Variants in CFAP47 observed in about 807,000 individuals in gnomAD.
CFAP47 encodes cilia- and flagella-associated protein 47.
CFAP47 carries 29 observed loss-of-function variants against 148.1 expected under a neutral mutation model. The ratio of observed to expected loss-of-function variants is 0.20; its 90% CI spans 0.15 to 0.27. The LOEUF is 0.27. Ranked by LOEUF, CFAP47 falls within the 10% of genes least tolerant of loss-of-function variation. The pLI, the probability that CFAP47 is intolerant of heterozygous loss-of-function variation, is 1.00. For synonymous variants in CFAP47, 664 were observed against 577.3 expected, an observed-to-expected ratio of 1.15 and a Z score of -2.15; for missense variants, 1,872 against 1,697.5, an observed-to-expected ratio of 1.10 and a Z score of -1.81.
At chrX:36,071,680 C>A (rs968841855) in intron 27 of CFAP47, 145 bp from the exon 28 acceptor site, 1 of 400,707 alleles carries the variant, frequency 2.5e-6, no homozygotes, top group Non-Finnish European at 3.9e-6. Context: ...GGTGTTTAGA[C>A]TTTTTTTTTA....
At position 36,261,320 on chromosome X, in the gene CFAP47, C is replaced by CTTTTTTT. The variant is rs143068749; in HGVS notation, c.7444+9894_7444+9900dup. On this transcript the variant is annotated intron_variant, in intron 49 of 63. Coordinates refer to ENST00000378653, the MANE Select transcript of CFAP47 (RefSeq NM_001304548.2). ...GCCACCCTATCAGTTAGATACTATT[C>CTTTTTTT]TTTTTTTTTTTTTTTTTTTTTTTTC... Among the ~76,000 whole-genome samples the CTTTTTTT allele has an allele frequency of 6.1e-3, 125 of 20,407 alleles. 3 individuals carry two copies. The highest frequency in any genetic ancestry group is 7.9e-3 in the Non-Finnish European group (95 of 11,996). The allele number at this position is 20,407 out of a possible 115,157, so 17.7% of individuals were successfully genotyped here.
intron 29 of CFAP47, among the ~76,000 whole-genome samples, chrX:36,078,976 C>A (rs1338155424): frequency 9.0e-6 from 1 of 111,575 alleles, no homozygotes; most frequent in Admixed American, 9.5e-5. Flanking sequence ...GTTGAAAATT[C>A]TTTTCTTTAA....
At chrX:36,157,361 G>A (rs775070775) in intron 37 of CFAP47, among the ~76,000 whole-genome samples, 1 of 112,107 alleles carries the variant, frequency 8.9e-6, no homozygotes, top group South Asian at 3.7e-4. Context: ...CTTGCTCTTG[G>A]CTATATTTTG....
At chrX:36,220,000 A>G (rs1232883338) in intron 45 of CFAP47, among the ~76,000 whole-genome samples, 1 of 111,390 alleles carries the variant, frequency 9.0e-6, no homozygotes, top group Admixed American at 9.6e-5. Context: ...GGTTCACATT[A>G]TTGATTATAG....
At chrX:36,107,946 AG>A (rs1938492438) in intron 33 of CFAP47, among the ~76,000 whole-genome samples, 1 of 110,985 alleles carries the variant, frequency 9.0e-6, no homozygotes. Flanking sequence ...TTGACCATTC[AG>A]GGAATAAACA....
At chrX:36,215,874 C>CA (rs1197509648) in intron 45 of CFAP47, among the ~76,000 whole-genome samples, 1 of 111,704 alleles carries the variant, frequency 9.0e-6, no homozygotes, top group Non-Finnish European at 1.9e-5. Flanking sequence ...AGATGGCCCT[C>CA]TCCGGGGGAG....
intron 49 of CFAP47, among the ~76,000 whole-genome samples, chrX:36,273,781 A>G (rs915436623): frequency 1.8e-5 from 2 of 111,738 alleles, no homozygotes; most frequent in Non-Finnish European, 3.8e-5. Flanking sequence ...GTTGCTAAGT[A>G]TAATATTATT....
At chrX:36,075,245 A>G (rs1344622235) in intron 29 of CFAP47, among the ~76,000 whole-genome samples, 3 of 107,671 alleles carry the variant, frequency 2.8e-5, no homozygotes, top group Non-Finnish European at 5.8e-5. Flanking sequence ...TTATTTATTT[A>G]GAGATGGAGT....
At chrX:36,066,242 C>T (rs952953375) in intron 27 of CFAP47, among the ~76,000 whole-genome samples, 2 of 110,441 alleles carry the variant, frequency 1.8e-5, no homozygotes, top group African/African-American at 6.6e-5. Context: ...CAGGGGAGTA[C>T]ATTAGAGAAA....
chrX:35,962,717 G>A (rs1188939409), intron 8 of CFAP47, among the ~76,000 whole-genome samples: 1 of 110,334 alleles, frequency 9.1e-6, no homozygotes, highest in Non-Finnish European at 1.9e-5. Flanking sequence ...ACCTCTTGTG[G>A]GAAATATGTA....
Position 36,367,047 on chromosome X carries a change from T to A in CFAP47, c.9105T>A (p.Asp3035Glu). The A allele has an allele frequency of 3.5e-6, 4 of 1,157,898 alleles. No individual in the cohort carries two copies. In the Admixed American group the frequency reaches 1.0e-4, roughly 30 times the overall value. ...TAATGTTGATCGCTACTGAACCTGA[T>A]ACGGATGCTGTCATTGACATTGAAG... ...FPIMLIATEP[D>E]TDAVIDIEGV... The change falls in exon 62 of 64, where the codon GAT (aspartate) becomes GAA (glutamate). Residue 3035 changes from aspartate to glutamate, a missense_variant. Coordinates refer to ENST00000378653, the MANE Select transcript of CFAP47 (RefSeq NM_001304548.2).
intron 27 of CFAP47, among the ~76,000 whole-genome samples, chrX:36,069,118 A>G (rs1330449604): frequency 9.0e-6 from 1 of 110,794 alleles, no homozygotes; most frequent in Non-Finnish European, 1.9e-5. Flanking sequence ...TTCTAACCAC[A>G]CTTTTATGCC....
intron 57 of CFAP47, among the ~76,000 whole-genome samples, chrX:36,340,450 C>G (rs1249962483): frequency 1.8e-5 from 2 of 111,764 alleles, no homozygotes; most frequent in Admixed American, 1.9e-4. Flanking sequence ...GTTCTAGAGG[C>G]TACGAGTCCA....
intron 62 of CFAP47, among the ~76,000 whole-genome samples, chrX:36,371,599 G>C (rs1443266025): frequency 1.1e-5 from 1 of 91,009 alleles, no homozygotes; most frequent in Non-Finnish European, 2.2e-5. Flanking sequence ...ATACATGTGT[G>C]TATATATGTG....
rs182579259 is a variant in CFAP47, at chrX:36,347,536, T to C, written c.8444-593T>C. ...CAAAGTCTTGGAACCAACCCAAATG[T>C]CCATCAATGATAGACTAGATTAACA... On this transcript the variant is annotated intron_variant, in intron 57 of 63. Coordinates refer to ENST00000378653, the MANE Select transcript of CFAP47 (RefSeq NM_001304548.2). 2.2e-3 allele frequency among the ~76,000 whole-genome samples: 246 copies of C among 111,976 alleles called. 3 individuals are homozygous for C. The highest frequency in any genetic ancestry group is 7.5e-3 in the African/African-American group (230 of 30,853).
chrX:35,987,594 A>G (rs1936734357), intron 15 of CFAP47, among the ~76,000 whole-genome samples: 1 of 111,427 alleles, frequency 9.0e-6, no homozygotes, highest in Non-Finnish European at 1.9e-5. Flanking sequence ...CCCTGGCGTC[A>G]GCCCCTTTCC....
chrX:36,060,050 GC>G (rs1937581979), intron 26 of CFAP47, among the ~76,000 whole-genome samples: 2 of 110,898 alleles, frequency 1.8e-5, no homozygotes, highest in African/African-American at 6.6e-5. Context: ...GGAGCCTGAG[GC>G]CCTCACCAGA....
At chrX:36,160,334 T>C (rs1390380997) in intron 38 of CFAP47, among the ~76,000 whole-genome samples, 1 of 111,947 alleles carries the variant, frequency 8.9e-6, no homozygotes, top group Non-Finnish European at 1.9e-5. Flanking sequence ...AACAAGACAT[T>C]GTTTTGTCAC....
chrX:35,921,721 T>C (rs1350005217), intron 1 of CFAP47, among the ~76,000 whole-genome samples: 1 of 111,600 alleles, frequency 9.0e-6, no homozygotes. Context: ...TGCAAGACTA[T>C]GAAATGCACT....
Sources: gnomAD v4.1 joint callset for allele counts (sites outside exome capture counted in the v4.1 genomes callset) on GRCh38, gnomAD v4.1.1 for gene constraint, MANE v1.5 for transcripts, NCBI Gene and HGNC (gene_info 2026-07-23, HGNC 2026-07-21) for gene names.